The following SLC24A3 variants were observed in gnomAD, a reference collection of about 807,000 sequenced individuals.
The protein encoded by SLC24A3 is solute carrier family 24 member 3, also known as sodium/potassium/calcium exchanger 3.
A neutral mutation model predicts 75.8 loss-of-function variants in SLC24A3; 28 were observed. The ratio of observed to expected loss-of-function variants is 0.37; its 90% CI spans 0.27 to 0.51. The LOEUF is 0.51. Ranked by LOEUF, SLC24A3 falls within the 20% of genes least tolerant of loss-of-function variation. The pLI, the probability that SLC24A3 is intolerant of heterozygous loss-of-function variation, is 0.94. For synonymous variants in SLC24A3, 372 were observed against 334.1 expected, an observed-to-expected ratio of 1.11 and a Z score of -1.24; for missense variants, 663 against 847.8, an observed-to-expected ratio of 0.78 and a Z score of 2.71.
chr20:19,231,739 G>A (rs1982028650), intron 1 of SLC24A3, among the ~76,000 whole-genome samples: 1 of 152,214 alleles, frequency 6.6e-6, no homozygotes, highest in South Asian at 2.1e-4. Context: ...TATTACAGCA[G>A]CAATAGGAAA....
chr20:19,368,812 C>G (rs1361626128), intron 2 of SLC24A3, among the ~76,000 whole-genome samples: 2 of 152,202 alleles, frequency 1.3e-5, no homozygotes, highest in East Asian at 3.8e-4. Flanking sequence ...TTTTCCAGTT[C>G]TGACATATCA....
intron 6 of SLC24A3, among the ~76,000 whole-genome samples, chr20:19,615,477 A>G (rs571539934): frequency 6.6e-6 from 1 of 152,312 alleles, no homozygotes; most frequent in East Asian, 1.9e-4. Context: ...TGGTGACGGA[A>G]GGTGAAGGGA....
chr20:19,371,769 G>A (rs1985996505), intron 2 of SLC24A3, among the ~76,000 whole-genome samples: 1 of 152,156 alleles, frequency 6.6e-6, no homozygotes, highest in South Asian at 2.1e-4. Flanking sequence ...AAAGTCCTTA[G>A]ACTCCCTGTA....
rs183591037 is a variant in SLC24A3 at position 19,272,494 on chromosome 20, C to T, written c.143-8465C>T. On this transcript the variant is annotated intron_variant, in intron 1 of 16. Transcript: ENST00000328041. ...ATGCAGATTCTGATGCAGCATGCTG[C>T]CTGTCTCACAAGCTTGCAGGTGATG... Among the ~76,000 whole-genome samples the T allele has an allele frequency of 1.3e-3, 194 of 152,348 alleles. 1 individual carries two copies. The highest frequency in any genetic ancestry group is 3.3e-3 in the African/African-American group (139 of 41,594).
intron 9 of SLC24A3, among the ~76,000 whole-genome samples, chr20:19,680,994 G>A (rs572338183): frequency 1.2e-3 from 176 of 152,326 alleles, no homozygotes; most frequent in African/African-American, 3.9e-3. Flanking sequence ...ACGATGGAGG[G>A]GGGAAAAGCA....
At chr20:19,481,613 G>A (rs139535214) in intron 2 of SLC24A3, among the ~76,000 whole-genome samples, 1 of 152,240 alleles carries the variant, frequency 6.6e-6, no homozygotes, top group East Asian at 1.9e-4. Flanking sequence ...TCTCCAAGCT[G>A]GGGGAGAGCA....
At chr20:19,701,663 T>C (rs2032875468) in intron 15 of SLC24A3, among the ~76,000 whole-genome samples, 1 of 152,190 alleles carries the variant, frequency 6.6e-6, no homozygotes, top group Non-Finnish European at 1.5e-5. Flanking sequence ...GATGAACCCG[T>C]TGGCAGTCCA....
intron 2 of SLC24A3, among the ~76,000 whole-genome samples, chr20:19,449,355 T>C (rs1052944978): frequency 2.6e-5 from 4 of 152,204 alleles, no homozygotes; most frequent in Non-Finnish European, 5.9e-5. Context: ...ATGTGGGATG[T>C]GCCTCACAGC....
chr20:19,655,405 G>A (rs2032253806), intron 7 of SLC24A3, among the ~76,000 whole-genome samples: 1 of 152,114 alleles, frequency 6.6e-6, no homozygotes, highest in Non-Finnish European at 1.5e-5. Context: ...CAAAAAAAAA[G>A]GGTGAAAAAT....
intron 2 of SLC24A3, among the ~76,000 whole-genome samples, chr20:19,318,148 A>G (rs1984626711): frequency 6.6e-6 from 1 of 152,118 alleles, no homozygotes; most frequent in African/African-American, 2.4e-5. Context: ...ACGAGTCTGC[A>G]CTGTCTCCTA....
intron 2 of SLC24A3, among the ~76,000 whole-genome samples, chr20:19,324,632 G>A (rs944236393): frequency 2.6e-5 from 4 of 152,130 alleles, no homozygotes; most frequent in Admixed American, 6.5e-5. Flanking sequence ...TTACCCATCC[G>A]TATAATCAAA....
At chr20:19,588,609 T>A (rs924852507) in intron 6 of SLC24A3, among the ~76,000 whole-genome samples, 2 of 152,230 alleles carry the variant, frequency 1.3e-5, no homozygotes, top group African/African-American at 2.4e-5. Flanking sequence ...ATAGAGAGGT[T>A]CTTGGCATCA....
intron 15 of SLC24A3, among the ~76,000 whole-genome samples, chr20:19,711,564 G>A (rs934971179): frequency 1.2e-4 from 18 of 151,784 alleles, no homozygotes; most frequent in African/African-American, 2.7e-4. Flanking sequence ...GCAGGCAAAC[G>A]CACACACGTG....
chr20:19,482,954 A>G (rs1420712304), intron 2 of SLC24A3, among the ~76,000 whole-genome samples: 1 of 152,232 alleles, frequency 6.6e-6, no homozygotes, highest in East Asian at 1.9e-4. Context: ...GTGAATCACA[A>G]AAATGGCCCA....
intron 2 of SLC24A3, among the ~76,000 whole-genome samples, chr20:19,286,286 C>T (rs865865805): frequency 2.6e-5 from 4 of 152,148 alleles, no homozygotes; most frequent in Non-Finnish European, 5.9e-5. Flanking sequence ...CGAGGGAAAC[C>T]GGGAAGTCTA....
In SLC24A3 at chr20:19,721,309, G is replaced by C. The variant is rs183639014; in HGVS notation, c.*169G>C. On this transcript the variant is annotated 3_prime_UTR_variant, in exon 17 of 17. Transcript: ENST00000328041. ...CCAGGCTCTCCCCTGACCCATCCTC[G>C]CTCCCCCACCTCCTTGGGTCATGCC... The C allele has an allele frequency of 6.9e-6, 5 of 725,270 alleles. No homozygotes were observed. The highest frequency in any genetic ancestry group is 1.1e-5 in the Non-Finnish European group (5 of 461,294). 44.9% of individuals were successfully genotyped at this position (725,270 alleles called of 1,614,324 possible).
Position 19,383,830 on chromosome 20 carries a change from G to A in SLC24A3, c.271+102743G>A, listed in dbSNP as rs114599837. Among the ~76,000 whole-genome samples the A allele has an allele frequency of 3.5e-3, 527 of 152,138 alleles. 2 individuals carry two copies. The highest frequency in any genetic ancestry group is 0.014 in the East Asian group (74 of 5,166). On this transcript the variant is annotated intron_variant, in intron 2 of 16. Coordinates refer to ENST00000328041, the MANE Select transcript of SLC24A3 (RefSeq NM_020689.4). Reference sequence around the variant, plus strand: ...GCAAGGGAGACTGTCTTCTGTCTCCGCTTATAAAGGCACTGATTCCATCAT... The same window carrying A: ...GCAAGGGAGACTGTCTTCTGTCTCCACTTATAAAGGCACTGATTCCATCAT...
chr20:19,434,938 C>T (rs1364224644), intron 2 of SLC24A3, among the ~76,000 whole-genome samples: 7 of 152,156 alleles, frequency 4.6e-5, no homozygotes, highest in Admixed American at 4.6e-4. Context: ...ATCTTGGCAA[C>T]AGCCAAGATA....
intron 6 of SLC24A3, among the ~76,000 whole-genome samples, chr20:19,599,027 G>A (rs541135894): frequency 1.3e-5 from 2 of 152,254 alleles, no homozygotes; most frequent in South Asian, 2.1e-4. Flanking sequence ...TTGAGTCGAT[G>A]TGAAATTACA....
Sources: gnomAD v4.1 joint callset for allele counts (sites outside exome capture counted in the v4.1 genomes callset) on GRCh38, gnomAD v4.1.1 for gene constraint, MANE v1.5 for transcripts, NCBI Gene and HGNC (gene_info 2026-07-23, HGNC 2026-07-21) for gene names.